CLCN5: variants seen among roughly 807,000 people sequenced by gnomAD.
CLCN5 encodes H(+)/Cl(-) exchange transporter 5.
CLCN5 carries 17 observed loss-of-function variants against 54.0 expected under a neutral mutation model. The observed-to-expected ratio is 0.31, with a 90% CI of 0.22 to 0.47. The LOEUF (loss-of-function observed/expected upper bound fraction) is 0.47, where lower values mean the gene tolerates loss of function less well. Among genes scored for constraint, CLCN5 ranks in the 20% least tolerant of loss-of-function variants. The pLI is 1.00. For synonymous variants in CLCN5, 222 were observed against 233.0 expected (o/e 0.95, Z 0.43); for missense variants, 448 against 646.7 (o/e 0.69, Z 3.33).
In CLCN5 at chrX:49,922,717, T is replaced by C. The variant is rs1354563739; in HGVS notation, c.-280T>C. ...GGGGCGCTCACTCAACTTGGTGTCC[T>C]GGACGCCAGAGCCGACCGAGCGCGC... is the stretch of plus-strand genomic sequence containing the variant. On this transcript the variant is annotated 5_prime_UTR_variant, in exon 1 of 15. Coordinates refer to ENST00000376091, the MANE Select transcript of CLCN5 (RefSeq NM_001127898.4). The C allele has an allele frequency of 8.8e-6, 1 of 113,202 alleles. No homozygotes were observed. The highest frequency in any genetic ancestry group is 1.9e-5 in the Non-Finnish European group (1 of 53,321). 9.3% of individuals were successfully genotyped at this position (113,202 alleles called of 1,213,427 possible). A position where few individuals can be genotyped will look rare whatever the true frequency, so the allele number is the denominator to read the frequency against.
At chrX:50,032,170 C>T (rs1435078463) in intron 3 of CLCN5, among the ~76,000 whole-genome samples, 2 of 111,129 alleles carry the variant, frequency 1.8e-5, no homozygotes, top group African/African-American at 6.6e-5. Context: ...AATAGTGCCG[C>T]AATAAACATA....
intron 3 of CLCN5, among the ~76,000 whole-genome samples, chrX:49,941,920 C>CTTTTTTTTTT (rs782574821): frequency 3.3e-5 from 2 of 60,568 alleles, no homozygotes; most frequent in Non-Finnish European, 5.8e-5. Flanking sequence ...CAATCAGTAT[C>CTTTTTTTTTT]TTTTTTTTTT....
chrX:50,062,866 G>A (rs1445602086), intron 4 of CLCN5, among the ~76,000 whole-genome samples: 8 of 106,190 alleles, frequency 7.5e-5, no homozygotes, highest in South Asian at 4.2e-4. Context: ...ACTCAAAGCC[G>A]CTCAACTACA....
chrX:50,077,812 CAAAAAAAAAAAAAAAAAAAAAAAAA>C (rs35768604), intron 7 of CLCN5, among the ~76,000 whole-genome samples: 3 of 22,332 alleles, frequency 1.3e-4, no homozygotes, highest in Admixed American at 7.7e-4. Context: ...CCTGTCTCTA[CAAAAAAAAAAAAAAAAAAAAAAAAA>C]AAAAAAAAAA....
At chrX:50,064,236 G>A (rs1932923339) in intron 4 of CLCN5, among the ~76,000 whole-genome samples, 1 of 111,089 alleles carries the variant, frequency 9.0e-6, no homozygotes, top group Non-Finnish European at 1.9e-5. Context: ...GTTTGCAGAT[G>A]ACATGATTGT....
chrX:49,976,623 G>A (rs17281370), intron 3 of CLCN5, among the ~76,000 whole-genome samples: 1,854 of 112,243 alleles, frequency 0.017, 19 homozygotes, highest in Non-Finnish European at 0.025. Context: ...TCTATTTAAT[G>A]TCAGGCATGT....
At chrX:50,003,146 C>T (rs374685886) in intron 3 of CLCN5, 9 of 382,785 alleles carry the variant, frequency 2.4e-5, no homozygotes, top group Non-Finnish European at 4.7e-5. Context: ...GAGCAGACCT[C>T]CCGACTTGCT....
rs56041343 is a variant in CLCN5 at position 50,092,062 on chromosome X, C to T, written c.2361-67C>T. 0.031 allele frequency: 25,118 copies of T among 798,925 alleles called. 332 individuals are homozygous for T. The highest frequency in any genetic ancestry group is 0.04 in the Non-Finnish European group (21,192 of 530,025). The allele number at this position is 798,925 out of a possible 1,213,427, so 65.8% of individuals were successfully genotyped here. On this transcript the variant is annotated intron_variant, in intron 14 of 14. Transcript: ENST00000376091. ...GAAAAGGACTGAGGAGGACAAGTAT[C>T]ACCTTTGGGAATGCTATTTTAACTA...
intron 3 of CLCN5, among the ~76,000 whole-genome samples, chrX:49,996,820 A>G (rs1320115950): frequency 8.9e-6 from 1 of 112,098 alleles, no homozygotes; most frequent in Non-Finnish European, 1.9e-5. Context: ...GGACCACAGC[A>G]TGGCCTTGAC....
intron 3 of CLCN5, among the ~76,000 whole-genome samples, chrX:49,927,139 T>TA (rs781946210): frequency 1.6e-4 from 18 of 111,767 alleles, no homozygotes; most frequent in African/African-American, 5.5e-4. Flanking sequence ...ACAGAACTGA[T>TA]ATTGGCACAG....
intron 3 of CLCN5, among the ~76,000 whole-genome samples, chrX:49,941,232 G>T (rs1557170838): frequency 9.1e-6 from 1 of 110,480 alleles, no homozygotes; most frequent in Non-Finnish European, 1.9e-5. Flanking sequence ...TGAGGCATGA[G>T]AATTGCTTGA....
rs781924436 is a variant in CLCN5, at chrX:50,090,724, C to T, written c.2198C>T (p.Thr733Met). The change falls in exon 14 of 15, where the codon ACG (threonine) becomes ATG (methionine). Residue 733 changes from threonine (T) to methionine (M), a missense_variant. By Grantham distance (81) the Thr-to-Met change is moderately conservative. Coordinates refer to ENST00000376091, the MANE Select transcript of CLCN5 (RefSeq NM_001127898.4). ...GVVSTSIIYF[T>M]EHSPPLPPYT... ...GTTAGCACTTCCATCATTTATTTCA[C>T]GGAGCATTCTCCTCCATTGCCACCA... 53 of 1,208,487 alleles carry T rather than the reference C, an allele frequency of 4.4e-5. No individual in the cohort carries two copies. Among genetic ancestry groups the T allele is most frequent in the Admixed American group, 2.6e-4 (12 of 45,636 alleles).
At chrX:50,018,423 C>A (rs782773304) in intron 3 of CLCN5, among the ~76,000 whole-genome samples, 4 of 111,999 alleles carry the variant, frequency 3.6e-5, no homozygotes, top group Non-Finnish European at 5.7e-5. Flanking sequence ...GTTTTTATTT[C>A]TTTCTCCCAC....
chrX:50,058,570 C>T (rs1489272305), intron 4 of CLCN5, among the ~76,000 whole-genome samples: 1 of 111,102 alleles, frequency 9.0e-6, no homozygotes, highest in African/African-American at 3.3e-5. Context: ...CAGTGTGTTT[C>T]TAGAGACCTG....
intron 3 of CLCN5, among the ~76,000 whole-genome samples, chrX:50,006,589 A>G (rs1287476323): frequency 2.7e-5 from 3 of 111,617 alleles, no homozygotes; most frequent in African/African-American, 9.8e-5. Context: ...GGGGCTGGAA[A>G]AGGGGAGCTT....
At chrX:49,939,723 G>A (rs1375643015) in intron 3 of CLCN5, among the ~76,000 whole-genome samples, 1 of 110,715 alleles carries the variant, frequency 9.0e-6, no homozygotes, top group Admixed American at 9.6e-5. Flanking sequence ...CACCAACATG[G>A]CACATGTATA....
intron 3 of CLCN5, among the ~76,000 whole-genome samples, chrX:49,943,826 T>C (rs1926529829): frequency 9.0e-6 from 1 of 111,539 alleles, no homozygotes; most frequent in Non-Finnish European, 1.9e-5. Context: ...TAGTTTGAAG[T>C]CAGGTAGCGT....
At chrX:50,062,269 C>T (rs1170219491) in intron 4 of CLCN5, among the ~76,000 whole-genome samples, 4 of 57,694 alleles carry the variant, frequency 6.9e-5, no homozygotes, top group African/African-American at 3.6e-4. Context: ...ACCCATCTCA[C>T]GTGCAGAGAC....
chrX:50,088,520 C>A (rs1050165576), intron 11 of CLCN5, 178 bp from the exon 12 acceptor site: 27 of 476,485 alleles, frequency 5.7e-5, no homozygotes. Context: ...CCTGCACGTC[C>A]CAGAGAACCT....
Sources: gnomAD v4.1 joint callset for allele counts (sites outside exome capture counted in the v4.1 genomes callset) on GRCh38, gnomAD v4.1.1 for gene constraint, MANE v1.5 for transcripts, NCBI Gene and HGNC (gene_info 2026-07-23, HGNC 2026-07-21) for gene names.